The following RSRC1 variants were observed in gnomAD, a reference collection of about 807,000 sequenced individuals.
RSRC1 encodes the protein serine/Arginine-related protein 53.
RSRC1 carries 39 observed loss-of-function variants against 49.1 expected under a neutral mutation model. The ratio of observed to expected loss-of-function variants is 0.79; its 90% CI spans 0.61 to 1.04. RSRC1 has a LOEUF of 1.04. Among genes scored for constraint, RSRC1 ranks in the 50% least tolerant of loss-of-function variants. The pLI is 0.00. For missense variants in RSRC1, 388 were observed against 402.4 expected, an observed-to-expected ratio of 0.96 and a Z score of 0.31; for synonymous variants, 143 against 130.8, an observed-to-expected ratio of 1.09 and a Z score of -0.63.
At chr3:158,239,101 C>T (rs1056431293) in intron 4 of RSRC1, among the ~76,000 whole-genome samples, 3 of 152,024 alleles carry the variant, frequency 2.0e-5, no homozygotes, top group Admixed American at 1.3e-4. Context: ...CCAACAGACA[C>T]ATGAAAAAAT....
chr3:158,325,300 G>C (rs995295348), intron 5 of RSRC1, among the ~76,000 whole-genome samples: 5 of 152,142 alleles, frequency 3.3e-5, no homozygotes, highest in African/African-American at 1.2e-4. Flanking sequence ...TGAAGTACTT[G>C]CCCATGCCTA....
chr3:158,166,155 G>A (rs1240570715), intron 3 of RSRC1, among the ~76,000 whole-genome samples: 1 of 152,100 alleles, frequency 6.6e-6, no homozygotes, highest in Admixed American at 6.6e-5. Flanking sequence ...GATAAGCTGG[G>A]TAATGTCTAC....
intron 3 of RSRC1, among the ~76,000 whole-genome samples, chr3:158,175,743 C>A (rs1719166423): frequency 6.9e-6 from 1 of 145,102 alleles, no homozygotes; most frequent in African/African-American, 2.9e-5. Context: ...AATATGTTGG[C>A]AAACCAATCA....
At chr3:158,457,036 A>G (rs1402063818) in intron 6 of RSRC1, among the ~76,000 whole-genome samples, 1 of 152,128 alleles carries the variant, frequency 6.6e-6, no homozygotes, top group Non-Finnish European at 1.5e-5. Context: ...TTATTTAACA[A>G]TTATTGAACA....
chr3:158,504,362 C>T (rs1739755389), intron 7 of RSRC1, among the ~76,000 whole-genome samples: 1 of 152,218 alleles, frequency 6.6e-6, no homozygotes, highest in South Asian at 2.1e-4. Context: ...TCTGTCCATC[C>T]AGGTCGGAGC....
intron 6 of RSRC1, among the ~76,000 whole-genome samples, chr3:158,368,284 C>CA (rs1731886414): frequency 6.6e-6 from 1 of 152,200 alleles, no homozygotes; most frequent in African/African-American, 2.4e-5. Flanking sequence ...CAGTATAAAG[C>CA]AGATCATCCC....
intron 1 of RSRC1, among the ~76,000 whole-genome samples, chr3:158,116,830 T>C (rs1027506474): frequency 2.0e-5 from 3 of 152,190 alleles, no homozygotes; most frequent in Non-Finnish European, 2.9e-5. Flanking sequence ...GAAAGGATTT[T>C]TTTTTTCTTG....
intron 3 of RSRC1, among the ~76,000 whole-genome samples, chr3:158,158,370 AC>A (rs1479916216): frequency 4.6e-5 from 7 of 152,204 alleles, no homozygotes; most frequent in Non-Finnish European, 8.8e-5. Flanking sequence ...TTGGTCATGC[AC>A]TGGCGGTTGT....
At chr3:158,360,658 G>A (rs940940653) in intron 6 of RSRC1, among the ~76,000 whole-genome samples, 1 of 152,250 alleles carries the variant, frequency 6.6e-6, no homozygotes, top group East Asian at 1.9e-4. Context: ...TGCATGCAGT[G>A]TGCACATACC....
intron 6 of RSRC1, among the ~76,000 whole-genome samples, chr3:158,374,155 G>T (rs540148626): frequency 1.3e-5 from 2 of 152,092 alleles, no homozygotes; most frequent in African/African-American, 4.8e-5. Flanking sequence ...ATACTCTAAC[G>T]GATTGGATAT....
At chr3:158,401,432 T>TA (rs1733888834) in intron 6 of RSRC1, among the ~76,000 whole-genome samples, 1 of 152,032 alleles carries the variant, frequency 6.6e-6, no homozygotes, top group African/African-American at 2.4e-5. Flanking sequence ...TTTATTTACT[T>TA]ATAGATTGCG....
intron 6 of RSRC1, among the ~76,000 whole-genome samples, chr3:158,361,506 G>A (rs1053052342): frequency 1.3e-5 from 2 of 152,150 alleles, no homozygotes; most frequent in Admixed American, 6.5e-5. Context: ...TGGTCCCGTA[G>A]CCACTTCTGC....
intron 4 of RSRC1, among the ~76,000 whole-genome samples, chr3:158,221,636 T>A (rs1192546501): frequency 6.6e-6 from 1 of 151,474 alleles, no homozygotes; most frequent in Non-Finnish European, 1.5e-5. Flanking sequence ...AAACTTGAAC[T>A]CCTTTGTTTT....
chr3:158,499,900 T>C (rs1739515356), intron 7 of RSRC1, among the ~76,000 whole-genome samples: 1 of 152,184 alleles, frequency 6.6e-6, no homozygotes, highest in Admixed American at 6.5e-5. Context: ...TCGAGTACTA[T>C]GTTGAAGAGG....
chr3:158,233,701 T>C (rs188558169), intron 4 of RSRC1, among the ~76,000 whole-genome samples: 22 of 151,710 alleles, frequency 1.5e-4, no homozygotes, highest in African/African-American at 5.1e-4. Context: ...TGATATATTA[T>C]ATACAAAAGA....
chr3:158,354,122 C>G (rs1731032118), intron 5 of RSRC1, among the ~76,000 whole-genome samples: 1 of 148,664 alleles, frequency 6.7e-6, no homozygotes, highest in African/African-American at 2.5e-5. Flanking sequence ...TCCCAAGTAG[C>G]TGGGACTATA....
At chr3:158,144,642 A>G (rs1390955598) in intron 3 of RSRC1, among the ~76,000 whole-genome samples, 1 of 152,220 alleles carries the variant, frequency 6.6e-6, no homozygotes, top group African/African-American at 2.4e-5. Context: ...TCCTTTGGAT[A>G]TATACCCAGT....
chr3:158,277,924 A>T (rs1450319703), intron 4 of RSRC1, among the ~76,000 whole-genome samples: 2 of 152,080 alleles, frequency 1.3e-5, no homozygotes, highest in African/African-American at 2.4e-5. Flanking sequence ...AGTAGTTGGG[A>T]TTATAGGCAT....
intron 5 of RSRC1, among the ~76,000 whole-genome samples, chr3:158,311,542 A>T (rs1728126476): frequency 6.6e-6 from 1 of 151,940 alleles, no homozygotes; most frequent in South Asian, 2.1e-4. Context: ...GGTGTTTTTT[A>T]AAAAATACAG....
Sources: allele counts gnomAD v4.1 joint callset (sites outside exome capture counted in the v4.1 genomes callset), GRCh38; gene constraint gnomAD v4.1.1; transcripts MANE v1.5; gene names NCBI Gene and HGNC (gene_info 2026-07-23, HGNC 2026-07-21).